PAPPA2: variants seen among roughly 807,000 people sequenced by gnomAD.
The protein encoded by PAPPA2 is pappalysin-2.
In PAPPA2, 86 loss-of-function variants were observed where a neutral mutation model predicts 176.4. The ratio of observed to expected loss-of-function variants is 0.49; its 90% CI spans 0.41 to 0.58. The LOEUF (loss-of-function observed/expected upper bound fraction) is 0.58. Among genes scored for constraint, PAPPA2 ranks in the 20% least tolerant of loss-of-function variants. The pLI is 0.00. For synonymous variants in PAPPA2, 809 were observed against 852.2 expected, an observed-to-expected ratio of 0.95 and a Z score of 0.88; for missense variants, 2,073 against 2,256.9, an observed-to-expected ratio of 0.92 and a Z score of 1.65.
At chr1:176,746,235 C>G (rs1167611181) in intron 14 of PAPPA2, among the ~76,000 whole-genome samples, 1 of 152,148 alleles carries the variant, frequency 6.6e-6, no homozygotes, top group African/African-American at 2.4e-5. Context: ...CATGGTCCAG[C>G]TCTAGTATCA....
intron 12 of PAPPA2, among the ~76,000 whole-genome samples, chr1:176,714,935 A>G (rs1661302070): frequency 6.6e-6 from 1 of 152,212 alleles, no homozygotes; most frequent in Admixed American, 6.5e-5. Context: ...CTTTGTGATT[A>G]CTAAATTTGT....
intron 20 of PAPPA2, among the ~76,000 whole-genome samples, chr1:176,796,075 C>T (rs1481634383): frequency 6.6e-6 from 1 of 152,210 alleles, no homozygotes; most frequent in African/African-American, 2.4e-5. Flanking sequence ...CTCAGCCCCA[C>T]CCCCAAAGTG....
At chr1:176,702,987 T>C (rs1210007961) in intron 9 of PAPPA2, among the ~76,000 whole-genome samples, 1 of 152,132 alleles carries the variant, frequency 6.6e-6, no homozygotes, top group Non-Finnish European at 1.5e-5. Context: ...CCACTTTTAC[T>C]TATAGCTAAC....
At chr1:176,657,268 G>T (rs776951997) in intron 3 of PAPPA2, among the ~76,000 whole-genome samples, 1 of 151,982 alleles carries the variant, frequency 6.6e-6, no homozygotes, top group Non-Finnish European at 1.5e-5. Flanking sequence ...AGGGAAGGCA[G>T]ATGCTATTGG....
intron 2 of PAPPA2, among the ~76,000 whole-genome samples, chr1:176,584,457 C>T (rs1176405805): frequency 6.6e-6 from 1 of 150,984 alleles, no homozygotes; most frequent in African/African-American, 2.4e-5. Context: ...AGTATAGCTT[C>T]TCCTGTTCAT....
Position 176,597,890 on chromosome 1 carries a change from C to G in PAPPA2, c.1991+2295C>G, listed in dbSNP as rs140030860. ...TCTTTCAAGGTATCCAGGTATTATTCTCCTCAGAGTTTCCCTTTATTTCTC... is the reference window on the plus strand; with the variant it reads ...TCTTTCAAGGTATCCAGGTATTATTGTCCTCAGAGTTTCCCTTTATTTCTC... On this transcript the variant is annotated intron_variant, in intron 3 of 22. Coordinates refer to ENST00000367662, the MANE Select transcript of PAPPA2 (RefSeq NM_020318.3). Among the ~76,000 whole-genome samples the G allele has an allele frequency of 1.0e-3, 157 of 152,244 alleles. 2 individuals carry two copies. The highest frequency in any genetic ancestry group is 3.4e-3 in the African/African-American group (143 of 41,546).
intron 21 of PAPPA2, among the ~76,000 whole-genome samples, chr1:176,807,214 A>G (rs1665942986): frequency 6.6e-6 from 1 of 152,190 alleles, no homozygotes. Context: ...AAGCACAAGG[A>G]TACTTCTCCC....
At chr1:176,592,372 T>C (rs1040477711) in intron 2 of PAPPA2, among the ~76,000 whole-genome samples, 1 of 152,190 alleles carries the variant, frequency 6.6e-6, no homozygotes, top group East Asian at 1.9e-4. Flanking sequence ...ATGATCTTAG[T>C]GGTCTTGGCT....
chr1:176,761,082 A>G (rs1187129208), intron 14 of PAPPA2, among the ~76,000 whole-genome samples: 1 of 152,066 alleles, frequency 6.6e-6, no homozygotes, highest in African/African-American at 2.4e-5. Context: ...CGGCCTCCCA[A>G]AGTGCTGGTA....
At chr1:176,727,419 A>G (rs1034219824) in intron 12 of PAPPA2, among the ~76,000 whole-genome samples, 3 of 152,156 alleles carry the variant, frequency 2.0e-5, no homozygotes, top group Non-Finnish European at 4.4e-5. Context: ...CCATGTTAAT[A>G]TCTGACAAAA....
intron 12 of PAPPA2, among the ~76,000 whole-genome samples, chr1:176,716,584 TACA>T (rs561846593): frequency 1.3e-3 from 194 of 148,782 alleles, no homozygotes; most frequent in African/African-American, 4.6e-3. Flanking sequence ...TCTTCTAGAT[TACA>T]ACAATTCCTT....
At position 176,555,109 on chromosome 1, in the gene PAPPA2, G is replaced by A. The variant is rs540204403; in HGVS notation, c.-916-298G>A. On this transcript the variant is annotated intron_variant, in intron 1 of 22. Transcript: ENST00000367662. ...TAGGCTGCGGCTGCTGAAAGAGAAA[G>A]CCCGAGATGTTTACTGGGGAAACCA... 2.0e-5 allele frequency among the ~76,000 whole-genome samples: 3 copies of A among 152,110 alleles called. No homozygotes were observed. In the South Asian group the frequency reaches 6.2e-4, roughly 32 times the overall value.
intron 1 of PAPPA2, among the ~76,000 whole-genome samples, chr1:176,472,665 T>TA: frequency 6.6e-6 from 1 of 152,160 alleles, no homozygotes; most frequent in Non-Finnish European, 1.5e-5. Context: ...TATTTTTAGA[T>TA]AAAAAATAAA....
At chr1:176,667,660 G>C (rs1376820981) in intron 3 of PAPPA2, among the ~76,000 whole-genome samples, 1 of 152,106 alleles carries the variant, frequency 6.6e-6, no homozygotes, top group Non-Finnish European at 1.5e-5. Context: ...GGTTTGCTCT[G>C]ACTGTGGGAA....
At chr1:176,546,523 A>G (rs1419830506) in intron 1 of PAPPA2, among the ~76,000 whole-genome samples, 1 of 152,222 alleles carries the variant, frequency 6.6e-6, no homozygotes, top group Non-Finnish European at 1.5e-5. Flanking sequence ...GGAATAGTCA[A>G]TATAATCAGT....
chr1:176,769,543 C>T (rs921721572), intron 15 of PAPPA2, 64 bp from the exon 16 acceptor site: 3 of 1,508,636 alleles, frequency 2.0e-6, no homozygotes, highest in East Asian at 2.3e-5. Context: ...TCTTCTAAAG[C>T]CTGGAAACTA....
intron 17 of PAPPA2, among the ~76,000 whole-genome samples, chr1:176,781,592 C>A (rs986539913): frequency 1.3e-5 from 2 of 151,792 alleles, no homozygotes; most frequent in African/African-American, 4.8e-5. Context: ...CTTGGGAAAC[C>A]AGGCCTGCAA....
chr1:176,760,543 A>T (rs1164481790), intron 14 of PAPPA2, among the ~76,000 whole-genome samples: 1 of 152,192 alleles, frequency 6.6e-6, no homozygotes, highest in Non-Finnish European at 1.5e-5. Flanking sequence ...GCAGGAGTAT[A>T]TGTTTTTTAA....
chr1:176,640,483 A>G (rs12087379), intron 3 of PAPPA2, among the ~76,000 whole-genome samples: 37,436 of 150,754 alleles, frequency 0.25, 4,713 homozygotes, highest in South Asian at 0.33. Flanking sequence ...GAGAATGATG[A>G]TTTCCAATTT....
Sources: gnomAD v4.1 joint callset for allele counts (sites outside exome capture counted in the v4.1 genomes callset) on GRCh38, gnomAD v4.1.1 for gene constraint, MANE v1.5 for transcripts, NCBI Gene and HGNC (gene_info 2026-07-23, HGNC 2026-07-21) for gene names.